Variants in RAB3GAP1 observed in about 807,000 individuals in gnomAD.
The protein encoded by RAB3GAP1 is rab3 GTPase-activating protein catalytic subunit.
Under a neutral mutation model 130.7 loss-of-function variants are expected in RAB3GAP1, and 86 were observed. The observed-to-expected ratio is 0.66, with a 90% CI of 0.55 to 0.79. RAB3GAP1 has a LOEUF of 0.79. Among genes scored for constraint, RAB3GAP1 ranks in the 30% least tolerant of loss-of-function variants. The pLI is 0.00. For missense variants in RAB3GAP1, 1,029 were observed against 1,169.4 expected (o/e 0.88, Z 1.75); for synonymous variants, 367 against 401.7 (o/e 0.91, Z 1.03).
At chr2:135,089,525 C>T (rs1445313999) in intron 3 of RAB3GAP1, 1 of 152,424 alleles carries the variant, frequency 6.6e-6, no homozygotes, top group Non-Finnish European at 1.5e-5. Context: ...TGAGCATGGA[C>T]TGTTTGTCCA....
chr2:135,142,582 G>T (rs144859268), intron 17 of RAB3GAP1, among the ~76,000 whole-genome samples: 68 of 152,188 alleles, frequency 4.5e-4, no homozygotes, highest in Non-Finnish European at 1.0e-4. Flanking sequence ...TTATTCTCTT[G>T]TTCCCAACCT....
intron 5 of RAB3GAP1, among the ~76,000 whole-genome samples, chr2:135,094,348 A>G (rs1445832981): frequency 6.6e-6 from 1 of 151,820 alleles, no homozygotes; most frequent in African/African-American, 2.4e-5. Flanking sequence ...TCTTTTTTTC[A>G]AAAGAAATGA....
At chr2:135,106,149 T>C (rs1285245606) in intron 5 of RAB3GAP1, among the ~76,000 whole-genome samples, 4 of 149,716 alleles carry the variant, frequency 2.7e-5, no homozygotes, top group Non-Finnish European at 4.4e-5. Flanking sequence ...GGGGGGTGCC[T>C]CCGTCCGGCC....
chr2:135,053,116 G>T (rs1688925339), intron 2 of RAB3GAP1, among the ~76,000 whole-genome samples: 1 of 152,170 alleles, frequency 6.6e-6, no homozygotes, highest in South Asian at 2.1e-4. Context: ...TTTAGCCTCG[G>T]GAGGAGCTGG....
intron 8 of RAB3GAP1, 157 bp from the exon 9 acceptor site, chr2:135,124,008 G>A (rs988588000): frequency 9.4e-6 from 6 of 638,970 alleles, no homozygotes; most frequent in South Asian, 1.9e-5. Context: ...GTCAAATATT[G>A]TTAGACTACA....
chr2:135,160,728 TGC>T, intron 19 of RAB3GAP1, among the ~76,000 whole-genome samples: 1 of 145,268 alleles, frequency 6.9e-6, no homozygotes, highest in Admixed American at 6.8e-5. Context: ...TTGACAAAAC[TGC>T]AATAAAGATA....
chr2:135,092,523 G>A (rs1156331063), intron 4 of RAB3GAP1, among the ~76,000 whole-genome samples: 1 of 152,090 alleles, frequency 6.6e-6, no homozygotes, highest in African/African-American at 2.4e-5. Context: ...TGCAACCTCC[G>A]CCTCCCGGGT....
At chr2:135,093,932 C>T (rs556163559) in intron 5 of RAB3GAP1, among the ~76,000 whole-genome samples, 2 of 152,292 alleles carry the variant, frequency 1.3e-5, no homozygotes, top group Non-Finnish European at 2.9e-5. Context: ...GCAAGATGTA[C>T]TCAGTTCCCT....
intron 3 of RAB3GAP1, among the ~76,000 whole-genome samples, chr2:135,062,095 A>C (rs574978591): frequency 3.3e-5 from 5 of 151,694 alleles, no homozygotes; most frequent in African/African-American, 1.2e-4. Flanking sequence ...ATCTTGGCTC[A>C]CTGCAGCCTC....
At chr2:135,120,719 G>A (rs1691171667) in intron 7 of RAB3GAP1, 100 bp from the exon 8 acceptor site, 1 of 852,238 alleles carries the variant, frequency 1.2e-6, no homozygotes, top group African/African-American at 1.7e-5. Context: ...TTTCATAAAG[G>A]TAGTATTAAT....
intron 7 of RAB3GAP1, among the ~76,000 whole-genome samples, chr2:135,119,371 A>G (rs1400002999): frequency 6.6e-6 from 1 of 152,130 alleles, no homozygotes; most frequent in Non-Finnish European, 1.5e-5. Context: ...TGGCCTCCCA[A>G]AGTGCTGGGA....
intron 17 of RAB3GAP1, among the ~76,000 whole-genome samples, chr2:135,140,758 T>C (rs2104960538): frequency 6.6e-6 from 1 of 152,296 alleles, no homozygotes; most frequent in Admixed American, 6.5e-5. Context: ...TAGACTCCCA[T>C]AAAGAAAGTA....
At chr2:135,167,664 C>A in intron 23 of RAB3GAP1, 1 of 1,474,836 alleles carries the variant, frequency 6.8e-7, no homozygotes, top group Non-Finnish European at 9.2e-7. Context: ...TCCCTTTCAT[C>A]ACTGTTTCTT....
Position 135,130,588 on chromosome 2 carries a change from CAG to C in RAB3GAP1, c.1106_1107del (p.Glu369AlafsTer8), listed in dbSNP as rs1316236374. 2 of 1,613,414 alleles carry C rather than the reference CAG, an allele frequency of 1.2e-6. No individual in the cohort carries two copies. Reference sequence around the variant, plus strand: ...ATAACTCATGCTTTGTCAAAATTGACAGAGCCGGCATCAGTTCCAATTCATAA... The same window carrying C: ...ATAACTCATGCTTTGTCAAAATTGACAGCCGGCATCAGTTCCAATTCATAA... On this transcript the variant is annotated frameshift_variant, in exon 13 of 24. Transcript: ENST00000264158. LOFTEE classifies it high-confidence loss of function.
chr2:135,061,344 A>G (rs1379417867), intron 3 of RAB3GAP1, among the ~76,000 whole-genome samples: 1 of 152,206 alleles, frequency 6.6e-6, no homozygotes, highest in Non-Finnish European at 1.5e-5. Flanking sequence ...GTGCAACTTT[A>G]TAAGAAACAG....
chr2:135,106,025 C>A (rs1034703189), intron 5 of RAB3GAP1, among the ~76,000 whole-genome samples: 1 of 151,768 alleles, frequency 6.6e-6, no homozygotes, highest in African/African-American at 2.4e-5. Context: ...GTGAGGAGCC[C>A]CTCCGCCCGG....
In RAB3GAP1 at chr2:135,120,871, A is replaced by G. The variant is rs199513495; in HGVS notation, c.701A>G (p.Tyr234Cys). The G allele has an allele frequency of 1.5e-5, 24 of 1,613,418 alleles. 1 individual carries two copies. Among genetic ancestry groups the G allele is most frequent in the Admixed American group, 6.7e-5 (4 of 60,030 alleles). The part of the protein sequence containing the change: ...PPVSIAIRFT[Y>C]VLQDWQQYFW... ...GTTAGTATTGCTATTCGATTTACCTATGTACTTCAAGATTGGCAGCAGTAT... is the reference window on the plus strand; with the variant it reads ...GTTAGTATTGCTATTCGATTTACCTGTGTACTTCAAGATTGGCAGCAGTAT... Residue 234 changes from tyrosine (Y) to cysteine (C), a missense_variant, in exon 8 of 24, where the codon TAT (tyrosine) becomes TGT (cysteine). Physicochemically the swap from Tyr to Cys is radical, Grantham distance 194 (BLOSUM62 -2). Coordinates refer to ENST00000264158, the MANE Select transcript of RAB3GAP1 (RefSeq NM_012233.3).
At chr2:135,090,527 A>G (rs1690113148) in intron 3 of RAB3GAP1, among the ~76,000 whole-genome samples, 1 of 152,190 alleles carries the variant, frequency 6.6e-6, no homozygotes, top group Non-Finnish European at 1.5e-5. Flanking sequence ...TAATTAATAT[A>G]TGTTTTTCAT....
At position 135,093,568 on chromosome 2, in the gene RAB3GAP1, C is replaced by T. The variant is rs759192277; in HGVS notation, c.284-47C>T. The T allele has an allele frequency of 3.5e-5, 49 of 1,403,592 alleles. No homozygotes were observed. In the Admixed American group the frequency reaches 4.7e-4, roughly 13 times the overall value. 86.9% of individuals were successfully genotyped at this position (1,403,592 alleles called of 1,614,324 possible). A position where few individuals can be genotyped will look rare whatever the true frequency, so the allele number is the denominator to read the frequency against. Reference sequence around the variant, plus strand: ...CCTCAAAGCATGTTATAAAACTCTGCCTGATCATGAACATACTAACTTTTT... The same window carrying T: ...CCTCAAAGCATGTTATAAAACTCTGTCTGATCATGAACATACTAACTTTTT... On this transcript the variant is annotated intron_variant, in intron 4 of 23. Coordinates refer to ENST00000264158, the MANE Select transcript of RAB3GAP1 (RefSeq NM_012233.3).
Sources: gnomAD v4.1 joint callset for allele counts (sites outside exome capture counted in the v4.1 genomes callset) on GRCh38, gnomAD v4.1.1 for gene constraint, MANE v1.5 for transcripts, NCBI Gene and HGNC (gene_info 2026-07-23, HGNC 2026-07-21) for gene names.